Variants in NCOR1 observed in about 807,000 individuals in gnomAD.
The protein encoded by NCOR1 is protein phosphatase 1, regulatory subunit 109.
NCOR1 carries 63 observed loss-of-function variants against 288.1 expected under a neutral mutation model. The ratio of observed to expected loss-of-function variants is 0.22; its 90% CI spans 0.18 to 0.27. The LOEUF (loss-of-function observed/expected upper bound fraction) is 0.27. Ranked by LOEUF, NCOR1 falls within the 10% of genes least tolerant of loss-of-function variation. The pLI is 1.00. For missense variants in NCOR1, 2,397 were observed against 3,019.2 expected (o/e 0.79, Z 4.83); for synonymous variants, 1,007 against 1,065.9 (o/e 0.94, Z 1.08).
At chr17:16,159,102 G>A (rs180980902) in intron 5 of NCOR1, among the ~76,000 whole-genome samples, 1 of 151,734 alleles carries the variant, frequency 6.6e-6, no homozygotes, top group Non-Finnish European at 1.5e-5. Context: ...AAAAAACTAA[G>A]AGGAAGCATC....
intron 19 of NCOR1, among the ~76,000 whole-genome samples, chr17:16,107,207 T>C (rs2068956750): frequency 6.6e-6 from 1 of 152,076 alleles, no homozygotes; most frequent in African/African-American, 2.4e-5. Context: ...GATAGACATA[T>C]TAATACCAGA....
chr17:16,056,594 G>A (rs1357950926), intron 40 of NCOR1, among the ~76,000 whole-genome samples: 1 of 151,944 alleles, frequency 6.6e-6, no homozygotes, highest in Non-Finnish European at 1.5e-5. Context: ...GGGATTACAG[G>A]CGTGAGCCAC....
At chr17:16,120,407 C>T (rs925857647) in intron 16 of NCOR1, among the ~76,000 whole-genome samples, 3 of 152,120 alleles carry the variant, frequency 2.0e-5, no homozygotes, top group South Asian at 2.1e-4. Context: ...ACCTATCTTT[C>T]CTCCTCCTAT....
At chr17:16,039,900 C>A (rs1291317024) in intron 43 of NCOR1, 1 of 447,808 alleles carries the variant, frequency 2.2e-6, no homozygotes, top group Non-Finnish European at 4.1e-6. Context: ...AAGGGATTCT[C>A]CTACCTCAGT....
chr17:16,127,385 G>GTA (rs1430342487), intron 14 of NCOR1, among the ~76,000 whole-genome samples: 2 of 126,286 alleles, frequency 1.6e-5, no homozygotes, highest in South Asian at 2.3e-4. Flanking sequence ...ATATATGTAT[G>GTA]TATATATACA....
In NCOR1 at chr17:16,149,510, C is replaced by T. The variant is rs758093285; in HGVS notation, c.850G>A (p.Val284Met). ...VYHENIKTNQ[V>M]MRKKLILFFK... is the part of the protein sequence containing the mutation. ...AATAAAATGAGTTTTTTCCTCATCACCTGGTTTCTAGAAGAGAAAAATATG... is the reference window on the plus strand; with the variant it reads ...AATAAAATGAGTTTTTTCCTCATCATCTGGTTTCTAGAAGAGAAAAATATG... The change falls in exon 9 of 46, where the codon GTG (valine) becomes ATG (methionine). Residue 284 changes from valine (V) to methionine (M), a missense_variant. Val to Met is a conservative substitution (Grantham distance 21). Coordinates refer to ENST00000268712, the MANE Select transcript of NCOR1 (RefSeq NM_006311.4). 2.0e-6 allele frequency: 3 copies of T among 1,522,496 alleles called. No individual in the cohort carries two copies. Among genetic ancestry groups the T allele is most frequent in the Non-Finnish European group, 2.7e-6 (3 of 1,116,444 alleles). 94.3% of individuals were successfully genotyped at this position (1,522,496 alleles called of 1,614,324 possible).
intron 40 of NCOR1, among the ~76,000 whole-genome samples, chr17:16,055,114 G>A (rs989231726): frequency 1.3e-5 from 2 of 152,186 alleles, no homozygotes; most frequent in Non-Finnish European, 2.9e-5. Flanking sequence ...AAGACACTGT[G>A]GAAATTCCTC....
intron 4 of NCOR1, among the ~76,000 whole-genome samples, chr17:16,168,669 A>C (rs2082508375): frequency 6.6e-6 from 1 of 152,104 alleles, no homozygotes; most frequent in African/African-American, 2.4e-5. Context: ...ATACAAAAAA[A>C]TCAACCTAAA....
chr17:16,202,956 C>T (rs2091025360), intron 1 of NCOR1, among the ~76,000 whole-genome samples: 1 of 152,128 alleles, frequency 6.6e-6, no homozygotes, highest in South Asian at 2.1e-4. Flanking sequence ...CAGCTCTGTT[C>T]TGCTCTACAT....
intron 40 of NCOR1, among the ~76,000 whole-genome samples, chr17:16,052,695 C>G (rs59853116): frequency 0.015 from 2,225 of 152,270 alleles, 63 homozygotes; most frequent in African/African-American, 0.052. Context: ...GGCACCATTC[C>G]TACTGAAAAT....
chr17:16,171,601 C>T (rs1002225273), intron 4 of NCOR1, among the ~76,000 whole-genome samples: 2 of 152,060 alleles, frequency 1.3e-5, no homozygotes, highest in Admixed American at 6.6e-5. Flanking sequence ...TTTCACTTAC[C>T]GAAAAGGCAA....
chr17:16,070,490 T>C lies in NCOR1; in HGVS notation c.4188A>G (p.Gln1396=), dbSNP rs1347589684. 6.2e-7 allele frequency: 1 copy of C among 1,614,206 alleles called. No individual in the cohort carries two copies. Among genetic ancestry groups the C allele is most frequent in the Non-Finnish European group, 8.5e-7 (1 of 1,180,004 alleles). The stretch of plus-strand genomic sequence containing the variant: ...ATTTGACATTGTGTTTGATGGCAGA[T>C]TGACCTGAGTTGTTGTCAAACTTTA... The part of the protein sequence containing the change: ...TPIKFDNNSG[Q]SAIKHNVKSL... Residue 1396 remains glutamine (Q), a synonymous_variant, in exon 31 of 46, where the codon CAA becomes CAG. Coordinates refer to ENST00000268712, the MANE Select transcript of NCOR1 (RefSeq NM_006311.4).
chr17:16,114,187 CTCTT>C (rs985725073), intron 18 of NCOR1, among the ~76,000 whole-genome samples: 4 of 143,372 alleles, frequency 2.8e-5, no homozygotes, highest in Non-Finnish European at 6.1e-5. Flanking sequence ...AGGGGAACTC[CTCTT>C]TCTAAAACCA....
chr17:16,064,829 T>C (rs2285583), intron 34 of NCOR1, 41 bp downstream of exon 34: 855,532 of 1,489,528 alleles, frequency 0.57, 252,076 homozygotes, highest in African/African-American at 0.85. Flanking sequence ...AATGTAAACA[T>C]GATGGTTCTA....
At chr17:16,092,689 ATATATATTTTTT>A (rs1347377107) in intron 21 of NCOR1, among the ~76,000 whole-genome samples, 23 of 11,038 alleles carry the variant, frequency 2.1e-3, no homozygotes, top group African/African-American at 5.9e-3. Flanking sequence ...ATATATATAT[ATATATATTTTTT>A]TTTTTTTTTT....
intron 11 of NCOR1, among the ~76,000 whole-genome samples, chr17:16,141,476 G>A (rs2077150797): frequency 6.6e-6 from 1 of 152,102 alleles, no homozygotes; most frequent in Non-Finnish European, 1.5e-5. Flanking sequence ...TCCAGGGCTA[G>A]TTTAACTAGA....
intron 11 of NCOR1, among the ~76,000 whole-genome samples, chr17:16,140,897 G>T (rs1217290283): frequency 6.6e-6 from 1 of 151,828 alleles, no homozygotes; most frequent in Non-Finnish European, 1.5e-5. Flanking sequence ...AGACTGAGGT[G>T]GGAGGATCAC....
intron 22 of NCOR1, among the ~76,000 whole-genome samples, chr17:16,089,931 G>T (rs1220416079): frequency 1.3e-5 from 2 of 152,114 alleles, no homozygotes; most frequent in Non-Finnish European, 2.9e-5. Context: ...CTACTTTGTA[G>T]AGCATCACCT....
intron 40 of NCOR1, among the ~76,000 whole-genome samples, chr17:16,052,319 C>T (rs1181421870): frequency 3.9e-5 from 6 of 151,982 alleles, no homozygotes; most frequent in Non-Finnish European, 5.9e-5. Context: ...CCACGGCACC[C>T]GGCCTCAGAA....
Sources: gnomAD v4.1 joint callset for allele counts (sites outside exome capture counted in the v4.1 genomes callset) on GRCh38, gnomAD v4.1.1 for gene constraint, MANE v1.5 for transcripts, NCBI Gene and HGNC (gene_info 2026-07-23, HGNC 2026-07-21) for gene names.